GSK3B: variants seen among roughly 807,000 people sequenced by gnomAD.
GSK3B encodes glycogen synthase kinase-3 beta.
In GSK3B, 15 loss-of-function variants were observed where a neutral mutation model predicts 56.4. That is an observed-to-expected ratio of 0.27 (90% CI 0.18 to 0.41). The LOEUF is 0.41. Ranked by LOEUF, GSK3B falls within the 10% of genes least tolerant of loss-of-function variation. GSK3B has a pLI of 1.00. For synonymous variants in GSK3B, 181 were observed against 188.9 expected (o/e 0.96, Z 0.34); for missense variants, 300 against 513.4 (o/e 0.58, Z 4.02).
At chr3:119,871,458 T>C (rs566383282) in intron 8 of GSK3B, among the ~76,000 whole-genome samples, 105 of 152,290 alleles carry the variant, frequency 6.9e-4, no homozygotes, top group Non-Finnish European at 1.2e-3. Flanking sequence ...TTTGAAGTAA[T>C]TGGCATTCAT....
intron 9 of GSK3B, among the ~76,000 whole-genome samples, chr3:119,857,372 A>G (rs1016270429): frequency 6.6e-6 from 1 of 152,216 alleles, no homozygotes; most frequent in Non-Finnish European, 1.5e-5. Context: ...CACCGCTTTC[A>G]ACTAAGATTA....
chr3:120,029,330 TA>T, intron 1 of GSK3B: 1 of 744,908 alleles, frequency 1.3e-6, no homozygotes, highest in Non-Finnish European at 2.5e-6. Context: ...ATTTCGCATC[TA>T]ATCCAGCCTC....
intron 8 of GSK3B, among the ~76,000 whole-genome samples, chr3:119,870,140 A>C (rs945720366): frequency 6.6e-6 from 1 of 152,156 alleles, no homozygotes; most frequent in African/African-American, 2.4e-5. Flanking sequence ...CACCTCATGT[A>C]TTATCCCTAA....
intron 1 of GSK3B, among the ~76,000 whole-genome samples, chr3:120,046,532 C>T (rs2058104547): frequency 6.6e-6 from 1 of 152,144 alleles, no homozygotes; most frequent in Non-Finnish European, 1.5e-5. Flanking sequence ...AAAGGCATGA[C>T]AGCACAATGG....
chr3:119,833,265 T>C (rs1440421879), intron 10 of GSK3B, among the ~76,000 whole-genome samples: 2 of 151,300 alleles, frequency 1.3e-5, no homozygotes, highest in East Asian at 1.9e-4. Flanking sequence ...AAAAAGAGAG[T>C]AGAAAACAAG....
intron 2 of GSK3B, among the ~76,000 whole-genome samples, chr3:119,959,506 CTTTTT>C (rs34702117): frequency 2.2e-5 from 2 of 89,184 alleles, no homozygotes; most frequent in Admixed American, 1.3e-4. Flanking sequence ...TTCTCTCTGA[CTTTTT>C]TTTTTTTTTT....
Position 119,843,333 on chromosome 3 carries a change from G to A in GSK3B, c.1117C>T (p.Leu373=). ...TTQELSSNPP[L]ATILIPPHAR... Reference sequence around the variant, plus strand: ...TGAGGAGGAATAAGGATGGTAGCCAGAGGTGGATTACTTGACAGTTCTATA... The same window carrying A: ...TGAGGAGGAATAAGGATGGTAGCCAAAGGTGGATTACTTGACAGTTCTATA... The change falls in exon 10 of 11, where the codon CTG becomes TTG. Residue 373 remains leucine (L), a synonymous_variant. Coordinates refer to ENST00000264235, the MANE Select transcript of GSK3B (RefSeq NM_001146156.2). 1 of 1,607,716 alleles carries A rather than the reference G, an allele frequency of 6.2e-7. No individual in the cohort carries two copies. Among genetic ancestry groups the A allele is most frequent in the Non-Finnish European group, 8.5e-7 (1 of 1,174,844 alleles).
At chr3:120,082,803 G>C (rs979014548) in intron 1 of GSK3B, among the ~76,000 whole-genome samples, 1 of 151,988 alleles carries the variant, frequency 6.6e-6, no homozygotes, top group African/African-American at 2.4e-5. Context: ...ATTACATCTT[G>C]ATATATTATT....
At chr3:119,874,463 C>T (rs79095905) in intron 8 of GSK3B, among the ~76,000 whole-genome samples, 2 of 151,888 alleles carry the variant, frequency 1.3e-5, no homozygotes, top group South Asian at 4.1e-4. Context: ...TACTACATCA[C>T]CGATTTCAGA....
intron 8 of GSK3B, among the ~76,000 whole-genome samples, chr3:119,867,946 A>G (rs1229963990): frequency 6.6e-6 from 1 of 152,196 alleles, no homozygotes; most frequent in Non-Finnish European, 1.5e-5. Flanking sequence ...AAGAACTGAG[A>G]GCACAAAATA....
intron 1 of GSK3B, among the ~76,000 whole-genome samples, chr3:120,077,474 G>A (rs2058377171): frequency 6.6e-6 from 1 of 152,176 alleles, no homozygotes; most frequent in South Asian, 2.1e-4. Flanking sequence ...AAACTGGTTA[G>A]CAGAGGTTGA....
Position 119,822,208 on chromosome 3 carries a change from G to A in GSK3B, c.*4580C>T, listed in dbSNP as rs1234610135. 5.5e-6 allele frequency: 1 copy of A among 182,456 alleles called. No homozygotes were observed. Among genetic ancestry groups the A allele is most frequent in the South Asian group, 2.0e-4 (1 of 5,054 alleles). 11.3% of individuals were successfully genotyped at this position (182,456 alleles called of 1,614,324 possible). On this transcript the variant is annotated 3_prime_UTR_variant, in exon 11 of 11. Coordinates refer to ENST00000264235, the MANE Select transcript of GSK3B (RefSeq NM_001146156.2). ...TTTATATCAAGACAGATTTGCACAA[G>A]TGTTTGCAATAGTTTGTATACAACC...
intron 3 of GSK3B, among the ~76,000 whole-genome samples, chr3:119,924,107 C>T (rs1418171165): frequency 2.0e-5 from 3 of 152,176 alleles, no homozygotes; most frequent in Admixed American, 6.5e-5. Context: ...TATAAGGCAA[C>T]GTGTTACCAT....
intron 2 of GSK3B, among the ~76,000 whole-genome samples, chr3:119,956,958 G>A (rs949076521): frequency 6.6e-6 from 1 of 152,232 alleles, no homozygotes; most frequent in Non-Finnish European, 1.5e-5. Flanking sequence ...AAGAATGAAT[G>A]TGGCTGTCTG....
chr3:119,878,669 GCATATTTTTTTTAACTGCTAAA>G (rs1251835991), intron 7 of GSK3B, among the ~76,000 whole-genome samples: 1 of 152,060 alleles, frequency 6.6e-6, no homozygotes, highest in Non-Finnish European at 1.5e-5. Context: ...AATATGCATA[GCATATTTTTTTTAACTGCTAAA>G]CAGTAGAAAC....
intron 3 of GSK3B, among the ~76,000 whole-genome samples, chr3:119,930,448 G>T: frequency 6.6e-6 from 1 of 151,992 alleles, no homozygotes; most frequent in East Asian, 1.9e-4. Context: ...ACACATCATG[G>T]GATAGATTTG....
At chr3:119,861,951 A>C (rs1165754880) in intron 9 of GSK3B, among the ~76,000 whole-genome samples, 1 of 152,212 alleles carries the variant, frequency 6.6e-6, no homozygotes, top group Non-Finnish European at 1.5e-5. Context: ...CAGAGACCAC[A>C]CACTGTATCT....
At chr3:119,981,527 T>C (rs775332619) in intron 2 of GSK3B, among the ~76,000 whole-genome samples, 7 of 152,236 alleles carry the variant, frequency 4.6e-5, no homozygotes, top group Non-Finnish European at 1.0e-4. Context: ...TAGCACCCGC[T>C]GACAAGATGA....
chr3:119,916,786 T>C (rs1448216141), intron 4 of GSK3B, among the ~76,000 whole-genome samples: 2 of 152,212 alleles, frequency 1.3e-5, no homozygotes, highest in East Asian at 1.9e-4. Flanking sequence ...CCATTCTTCC[T>C]GTTAATATCC....
Sources: gnomAD v4.1 joint callset for allele counts (sites outside exome capture counted in the v4.1 genomes callset) on GRCh38, gnomAD v4.1.1 for gene constraint, MANE v1.5 for transcripts, NCBI Gene and HGNC (gene_info 2026-07-23, HGNC 2026-07-21) for gene names.